ZNF287: variants seen among roughly 807,000 people sequenced by gnomAD.
The protein encoded by ZNF287 is zinc finger protein 287.
In ZNF287, 31 loss-of-function variants were observed where a neutral mutation model predicts 73.7. The observed-to-expected ratio is 0.42, with a 90% CI of 0.32 to 0.57. ZNF287 has a LOEUF of 0.57. ZNF287 is among the 20% of genes least tolerant of loss of function. The pLI, the probability that ZNF287 is intolerant of heterozygous loss-of-function variation, is 0.13. For synonymous variants in ZNF287, 301 were observed against 307.2 expected (o/e 0.98, Z 0.21); for missense variants, 641 against 909.3 (o/e 0.70, Z 3.79).
chr17:16,556,448 T>A (rs2142471300), intron 5 of ZNF287, among the ~76,000 whole-genome samples: 1 of 152,286 alleles, frequency 6.6e-6, no homozygotes, highest in African/African-American at 2.4e-5. Flanking sequence ...GTTTCTAATT[T>A]TCAGTAAATT....
At position 16,553,098 on chromosome 17, in the gene ZNF287, G is replaced by A. The variant is rs1906798091; in HGVS notation, c.1044C>T (p.Thr348=). 1 of 1,614,116 alleles carries A rather than the reference G, an allele frequency of 6.2e-7. No individual in the cohort carries two copies. The highest frequency in any genetic ancestry group is 8.5e-7 in the Non-Finnish European group (1 of 1,180,006). The change falls in exon 6 of 6, where the codon ACC becomes ACT. Residue 348 remains threonine, a synonymous_variant. Transcript: ENST00000395825. ...CAATACCATATGAGACATGATTGAA[G>A]GTTGCCCTGCCTTCATTATACACAG... is the stretch of plus-strand genomic sequence containing the variant. The part of the protein sequence containing the change: ...KTSVYNEGRA[T]FNHVSYGIVH...
chr17:16,552,811 C>A lies in ZNF287; in HGVS notation c.1331G>T (p.Arg444Ile). The change falls in exon 6 of 6, where the codon AGA becomes ATA. Residue 444 changes from arginine to isoleucine, a missense_variant. Physicochemically the swap from Arg to Ile is moderately conservative, Grantham distance 97 (BLOSUM62 -3). Around this residue, in one of 2 missense-constraint regions of ZNF287, gnomAD observed 284 missense variants for 466.8 expected, o/e 0.61. Coordinates refer to ENST00000395825, the MANE Select transcript of ZNF287 (RefSeq NM_020653.4). This position sits in a 1 kb window ranked among gnomAD's most constrained non-coding sequence, Gnocchi z 6.5. ...ATAGGGTTTCTCTCCAGTATGAATTCTCTGATGTATAGTAAGGTGTGCACG... is the reference window on the plus strand; with the variant it reads ...ATAGGGTTTCTCTCCAGTATGAATTATCTGATGTATAGTAAGGTGTGCACG... ...SQRAHLTIHQ[R>I]IHTGEKPYKC... 1 of 1,614,126 alleles carries A rather than the reference C, an allele frequency of 6.2e-7. No homozygotes were observed. Among genetic ancestry groups the A allele is most frequent in the Non-Finnish European group, 8.5e-7 (1 of 1,180,030 alleles).
At chr17:16,554,875 G>A (rs185659295) in intron 5 of ZNF287, among the ~76,000 whole-genome samples, 67 of 152,270 alleles carry the variant, frequency 4.4e-4, no homozygotes, top group Admixed American at 3.7e-3. Flanking sequence ...AGCCATGATC[G>A]CCCCACTGCA....
At chr17:16,556,081 G>GA (rs976988696) in intron 5 of ZNF287, among the ~76,000 whole-genome samples, 20 of 149,358 alleles carry the variant, frequency 1.3e-4, no homozygotes, top group Admixed American at 7.3e-4. Context: ...CACATTAAGT[G>GA]AAAAAAAAAG....
In ZNF287 at chr17:16,548,345, G is replaced by A. The variant is rs1906404901; in HGVS notation, c.*3511C>T. 6.6e-6 allele frequency among the ~76,000 whole-genome samples: 1 copy of A among 152,084 alleles called. No homozygotes were observed. Among genetic ancestry groups the A allele is most frequent in the African/African-American group, 2.4e-5 (1 of 41,394 alleles). On this transcript the variant is annotated 3_prime_UTR_variant, in exon 6 of 6. Coordinates refer to ENST00000395825, the MANE Select transcript of ZNF287 (RefSeq NM_020653.4). Reference sequence around the variant, plus strand: ...GATGCACTATGAAATACATCTGTGAGGTGTTATCATTAAAAATGTTTAAAC... The same window carrying A: ...GATGCACTATGAAATACATCTGTGAAGTGTTATCATTAAAAATGTTTAAAC...
At position 16,550,018 on chromosome 17, in the gene ZNF287, T is replaced by C. The variant is rs1431203731; in HGVS notation, c.*1838A>G. On this transcript the variant is annotated 3_prime_UTR_variant, in exon 6 of 6. Coordinates refer to ENST00000395825, the MANE Select transcript of ZNF287 (RefSeq NM_020653.4). ...GACCATGCACTATTATGCAAGGGAC[T>C]GGAGAAACAAGTAAGAGCACAATGA... Among the ~76,000 whole-genome samples the C allele has an allele frequency of 2.0e-5, 3 of 152,236 alleles. No homozygotes were observed. The highest frequency in any genetic ancestry group is 2.9e-5 in the Non-Finnish European group (2 of 68,032).
rs567584159 is a variant in ZNF287 at position 16,550,684 on chromosome 17, T to A, written c.*1172A>T. 6.6e-5 allele frequency among the ~76,000 whole-genome samples: 10 copies of A among 152,266 alleles called. No individual in the cohort carries two copies. The highest frequency in any genetic ancestry group is 2.2e-4 in the African/African-American group (9 of 41,558). ...AAACCACCTGTGATTTTCAGCACTG[T>A]AACAAGCTTGAGAGGATCCAATTAG... On this transcript the variant is annotated 3_prime_UTR_variant, in exon 6 of 6. Transcript: ENST00000395825.
At chr17:16,556,947 A>G (rs1372242540) in intron 5 of ZNF287, among the ~76,000 whole-genome samples, 7 of 151,932 alleles carry the variant, frequency 4.6e-5, no homozygotes, top group Non-Finnish European at 1.0e-4. Context: ...TCCCAAGTTC[A>G]AGCGATTCTC....
intron 3 of ZNF287, 94 bp from the exon 4 acceptor site, chr17:16,563,919 A>T: frequency 6.9e-7 from 1 of 1,447,812 alleles, no homozygotes. Context: ...GGACTGTCAC[A>T]GAATTTTAAG....
chr17:16,565,489 G>A (rs1907691807), intron 3 of ZNF287, among the ~76,000 whole-genome samples: 1 of 151,416 alleles, frequency 6.6e-6, no homozygotes, highest in South Asian at 2.1e-4. Context: ...GTCATTTTCT[G>A]TAGTCATTTT....
At chr17:16,553,863 A>G (rs560666141) in intron 5 of ZNF287, among the ~76,000 whole-genome samples, 2 of 152,202 alleles carry the variant, frequency 1.3e-5, no homozygotes, top group Admixed American at 6.5e-5. Flanking sequence ...TCTATGCTCA[A>G]ATATCTCTAG....
chr17:16,563,217 C>T lies in ZNF287; in HGVS notation c.644G>A (p.Arg215Lys). Reference protein sequence around the residue: ...NMVSLGLTVYRPTVIPILEEP... With the variant: ...NMVSLGLTVYKPTVIPILEEP... The stretch of plus-strand genomic sequence containing the variant: ...TTCCAATATGGGAATCACAGTTGGT[C>T]TGTACACTGTAAGTCCTGTTCAGGA... Residue 215 changes from arginine to lysine, a missense_variant, in exon 5 of 6, where the codon AGA becomes AAA. This residue lies in a region of ZNF287 where 357 missense variants were observed against 442.4 expected (regional missense o/e 0.81). Transcript: ENST00000395825. 1 of 1,611,828 alleles carries T rather than the reference C, an allele frequency of 6.2e-7. No homozygotes were observed. The highest frequency in any genetic ancestry group is 8.5e-7 in the Non-Finnish European group (1 of 1,179,098).
chr17:16,559,874 G>A (rs1360280259), intron 5 of ZNF287, among the ~76,000 whole-genome samples: 1 of 152,116 alleles, frequency 6.6e-6, no homozygotes, highest in Non-Finnish European at 1.5e-5. Flanking sequence ...GGACAATTGA[G>A]CATCAAAAAC....
rs188227978 is a variant in ZNF287 at position 16,556,422 on chromosome 17, T to C, written c.716-2996A>G. On this transcript the variant is annotated intron_variant, in intron 5 of 5. Coordinates refer to ENST00000395825, the MANE Select transcript of ZNF287 (RefSeq NM_020653.4). ...AAGATTACCAAAATGCTAATAATGATATTATAAGTTTTCTGGTTTCTAATT... is the reference window on the plus strand; with the variant it reads ...AAGATTACCAAAATGCTAATAATGACATTATAAGTTTTCTGGTTTCTAATT... Among the ~76,000 whole-genome samples the C allele has an allele frequency of 2.2e-4, 33 of 152,284 alleles. 1 individual carries two copies. The East Asian group carries it at 6.0e-3, about 28-fold the overall frequency.
chr17:16,569,174 T>G lies in ZNF287; in HGVS notation c.-421A>C, dbSNP rs1569025653. On this transcript the variant is annotated 5_prime_UTR_variant, in exon 1 of 6. Transcript: ENST00000395825. Reference sequence around the variant, plus strand: ...CCCGGCCCAGAAACCCCGGCGCCTCTGCTTAGCCGCGACCTCGCCTCGGCG... The same window carrying G: ...CCCGGCCCAGAAACCCCGGCGCCTCGGCTTAGCCGCGACCTCGCCTCGGCG... 1 of 152,394 alleles carries G rather than the reference T, an allele frequency of 6.6e-6. No homozygotes were observed. Among genetic ancestry groups the G allele is most frequent in the Non-Finnish European group, 1.5e-5 (1 of 68,178 alleles). The allele number at this position is 152,394 out of a possible 1,614,324, so 9.4% of individuals were successfully genotyped here. A position where few individuals can be genotyped will look rare whatever the true frequency, so the allele number is the denominator to read the frequency against.
At chr17:16,561,476 G>A (rs1907449609) in intron 5 of ZNF287, among the ~76,000 whole-genome samples, 1 of 152,076 alleles carries the variant, frequency 6.6e-6, no homozygotes, top group Non-Finnish European at 1.5e-5. Context: ...CACAAAGAAT[G>A]CACCTTTAAA....
rs1481371286 is a variant in ZNF287 at position 16,552,927 on chromosome 17, A to G, written c.1215T>C (p.Phe405=). ...SYECEECGKE[F]RHISSLIAHQ... is the part of the protein sequence containing the mutation. ...GTGCAATAAGGGATGAGATATGCCTAAACTCTTTCCCACATTCTTCACATT... is the reference window on the plus strand; with the variant it reads ...GTGCAATAAGGGATGAGATATGCCTGAACTCTTTCCCACATTCTTCACATT... The change falls in exon 6 of 6, where the codon TTT becomes TTC. Residue 405 remains phenylalanine (F), a synonymous_variant. Coordinates refer to ENST00000395825, the MANE Select transcript of ZNF287 (RefSeq NM_020653.4). This position sits in a 1 kb window ranked among gnomAD's most constrained non-coding sequence, Gnocchi z 6.5. 10 of 1,614,082 alleles carry G rather than the reference A, an allele frequency of 6.2e-6. No individual in the cohort carries two copies. In the Admixed American group the frequency reaches 1.5e-4, roughly 24 times the overall value.
chr17:16,564,931 C>G (rs1008325535), intron 3 of ZNF287, among the ~76,000 whole-genome samples: 1 of 152,018 alleles, frequency 6.6e-6, no homozygotes, highest in Non-Finnish European at 1.5e-5. Context: ...GTTGGCCAGG[C>G]TGGTCTCCAA....
At chr17:16,563,970 C>A in intron 3 of ZNF287, 145 bp from the exon 4 acceptor site, 1 of 853,486 alleles carries the variant, frequency 1.2e-6, no homozygotes, top group Non-Finnish European at 1.7e-6. Context: ...AAAACCCTCC[C>A]CTGACATATG....
Sources: gnomAD v4.1 joint callset for allele counts (sites outside exome capture counted in the v4.1 genomes callset) on GRCh38, gnomAD v4.1.1 for gene constraint, gnomAD v4.1.1 regional missense constraint, Gnocchi (gnomAD v3.1) non-coding constraint, MANE v1.5 for transcripts, NCBI Gene and HGNC (gene_info 2026-07-23, HGNC 2026-07-21) for gene names.